HDX: variants seen among roughly 807,000 people sequenced by gnomAD.
HDX encodes highly divergent homeobox.
In HDX, 19 loss-of-function variants were observed where a neutral mutation model predicts 45.2. The observed-to-expected ratio is 0.42, with a 90% confidence interval of 0.29 to 0.62. HDX has a LOEUF of 0.62. Among genes scored for constraint, HDX ranks in the 20% least tolerant of loss-of-function variants. The pLI is 0.20. For synonymous variants in HDX, 188 were observed against 172.8 expected (o/e 1.09, Z -0.69); for missense variants, 532 against 493.9 (o/e 1.08, Z -0.73).
intron 5 of HDX, among the ~76,000 whole-genome samples, chrX:84,434,450 C>A (rs1335377611): frequency 1.8e-5 from 2 of 110,910 alleles, no homozygotes; most frequent in African/African-American, 3.3e-5. Context: ...TTTTTTTCTT[C>A]ATTCTATTCA....
intron 9 of HDX, among the ~76,000 whole-genome samples, chrX:84,326,564 C>T (rs917988394): frequency 9.0e-6 from 1 of 111,085 alleles, no homozygotes; most frequent in South Asian, 3.8e-4. Flanking sequence ...CAAAAAACAG[C>T]TCCCTTCTTG....
chrX:84,391,506 T>G (rs752457119), intron 5 of HDX, among the ~76,000 whole-genome samples: 320 of 2,633 alleles, frequency 0.12, no homozygotes, highest in African/African-American at 0.13. Flanking sequence ...TGCTATTAGT[T>G]TTTTTTTTGA....
chrX:84,410,998 A>G (rs1469626301), intron 5 of HDX, among the ~76,000 whole-genome samples: 1 of 111,512 alleles, frequency 9.0e-6, no homozygotes, highest in African/African-American at 3.3e-5. Flanking sequence ...ATTTCTGTGA[A>G]GTCAGTGGTA....
intron 2 of HDX, among the ~76,000 whole-genome samples, chrX:84,482,588 A>T (rs1168450391): frequency 9.0e-6 from 1 of 111,616 alleles, no homozygotes; most frequent in Non-Finnish European, 1.9e-5. Flanking sequence ...TGAGTCAATT[A>T]TTTCCCACTG....
At chrX:84,440,751 G>A (rs1004002323) in intron 4 of HDX, among the ~76,000 whole-genome samples, 166 bp from the exon 5 acceptor site, 2 of 111,051 alleles carry the variant, frequency 1.8e-5, no homozygotes, top group Non-Finnish European at 3.8e-5. Flanking sequence ...GATTTTAAGG[G>A]GTCTTTTTTG....
At chrX:84,350,207 T>G (rs1253371478) in intron 6 of HDX, among the ~76,000 whole-genome samples, 1 of 111,605 alleles carries the variant, frequency 9.0e-6, no homozygotes, top group Non-Finnish European at 1.9e-5. Flanking sequence ...ATATTCTGTA[T>G]GATTTAGATT....
At chrX:84,346,296 G>A (rs1039714960) in intron 6 of HDX, among the ~76,000 whole-genome samples, 4 of 110,597 alleles carry the variant, frequency 3.6e-5, no homozygotes, top group African/African-American at 9.8e-5. Flanking sequence ...AGGCTGCAGT[G>A]AGCTATGATC....
At chrX:84,387,682 A>C (rs1187650522) in intron 5 of HDX, among the ~76,000 whole-genome samples, 1 of 111,636 alleles carries the variant, frequency 9.0e-6, no homozygotes, top group Non-Finnish European at 1.9e-5. Flanking sequence ...ATCTTTATCC[A>C]ACACATTATT....
chrX:84,475,308 G>T lies in HDX; in HGVS notation c.90C>A (p.Cys30Ter), dbSNP rs779631652. The T allele has an allele frequency of 4.0e-5, 48 of 1,192,285 alleles. No homozygotes were observed. Among genetic ancestry groups the T allele is most frequent in the Non-Finnish European group, 5.2e-5 (46 of 882,063 alleles). ...ENGMTNQSKNCFQLILQCAQE... is the reference protein window; with the variant it reads ...ENGMTNQSKN ...GTGCACACTGTAATATGAGCTGAAAGCAATTTTTACTTTGATTTGTCATTC... is the reference window on the plus strand; with the variant it reads ...GTGCACACTGTAATATGAGCTGAAATCAATTTTTACTTTGATTTGTCATTC... The change falls in exon 3 of 11, where the codon TGC becomes TGA. Residue 30 changes from cysteine to a stop codon, truncating the protein, a stop_gained. Coordinates refer to ENST00000373177, the MANE Select transcript of HDX (RefSeq NM_001177479.2). LOFTEE classifies it high-confidence loss of function.
intron 5 of HDX, among the ~76,000 whole-genome samples, chrX:84,392,474 G>C (rs1042451799): frequency 8.1e-5 from 9 of 111,117 alleles, no homozygotes; most frequent in African/African-American, 2.9e-4. Context: ...TATCGTGGTA[G>C]GGATTGCATT....
intron 6 of HDX, among the ~76,000 whole-genome samples, chrX:84,350,549 A>T (rs1019405789): frequency 5.4e-5 from 6 of 111,699 alleles, no homozygotes; most frequent in African/African-American, 2.0e-4. Flanking sequence ...TGTCTCCTTG[A>T]TAAAATTTAC....
At chrX:84,486,113 C>T (rs1051045604) in intron 2 of HDX, among the ~76,000 whole-genome samples, 7 of 111,437 alleles carry the variant, frequency 6.3e-5, no homozygotes, top group African/African-American at 1.3e-4. Context: ...CATTGATCTC[C>T]TTTTTCCAAC....
chrX:84,377,154 G>A (rs747314609), intron 5 of HDX, among the ~76,000 whole-genome samples: 1 of 112,294 alleles, frequency 8.9e-6, no homozygotes, highest in East Asian at 2.8e-4. Context: ...CATGAAGGCA[G>A]TACAACTCTG....
At chrX:84,391,573 T>C (rs879057161) in intron 5 of HDX, among the ~76,000 whole-genome samples, 1 of 111,464 alleles carries the variant, frequency 9.0e-6, no homozygotes, top group Admixed American at 9.6e-5. Context: ...TCACCAAAAG[T>C]ATATGAGTTC....
intron 2 of HDX, among the ~76,000 whole-genome samples, chrX:84,477,140 G>A (rs2040573378): frequency 9.0e-6 from 1 of 111,444 alleles, no homozygotes; most frequent in African/African-American, 3.3e-5. Context: ...GTCAGGAGAA[G>A]AGCCAGAAGA....
chrX:84,457,565 T>G (rs2148110227), intron 4 of HDX, among the ~76,000 whole-genome samples: 1 of 111,819 alleles, frequency 8.9e-6, no homozygotes, highest in South Asian at 3.7e-4. Flanking sequence ...CTGATTTATT[T>G]AATATTGCAT....
At chrX:84,486,050 T>C (rs908310158) in intron 2 of HDX, among the ~76,000 whole-genome samples, 2 of 112,175 alleles carry the variant, frequency 1.8e-5, no homozygotes, top group Non-Finnish European at 3.8e-5. Context: ...ATTACTGATA[T>C]GGTTGGATAT....
intron 2 of HDX, among the ~76,000 whole-genome samples, chrX:84,481,855 T>C (rs761691311): frequency 9.0e-5 from 10 of 111,603 alleles, no homozygotes; most frequent in African/African-American, 2.9e-4. Context: ...TTTTCAAATC[T>C]TGACTGCCTC....
chrX:84,439,830 T>C (rs1021577990), intron 5 of HDX: 5 of 111,425 alleles, frequency 4.5e-5, no homozygotes, highest in African/African-American at 1.6e-4. Flanking sequence ...AAGTCAGGAA[T>C]GTGATATCTC....
Sources: allele counts gnomAD v4.1 joint callset (sites outside exome capture counted in the v4.1 genomes callset), GRCh38; gene constraint gnomAD v4.1.1; transcripts MANE v1.5; gene names NCBI Gene and HGNC (gene_info 2026-07-23, HGNC 2026-07-21).